AK9: variants seen among roughly 807,000 people sequenced by gnomAD.
AK9 encodes the protein adenylate kinase 9.
AK9 carries 191 observed loss-of-function variants against 239.6 expected under a neutral mutation model. The observed-to-expected ratio is 0.80, with a 90% CI of 0.71 to 0.90. The LOEUF (loss-of-function observed/expected upper bound fraction) is 0.90, where lower values mean the gene tolerates loss of function less well. Ranked by LOEUF, AK9 falls within the 40% of genes least tolerant of loss-of-function variation. AK9 has a pLI of 0.00. For synonymous variants in AK9, 689 were observed against 721.0 expected, an observed-to-expected ratio of 0.96 and a Z score of 0.71; for missense variants, 1,995 against 2,214.7, an observed-to-expected ratio of 0.90 and a Z score of 1.99.
At chr6:109,686,915 G>C (rs1375682585) in intron 1 of AK9, among the ~76,000 whole-genome samples, 1 of 152,144 alleles carries the variant, frequency 6.6e-6, no homozygotes, top group African/African-American at 2.4e-5. Context: ...GCTCAAACAG[G>C]TCTTCAGGGC....
chr6:109,500,222 AAAAC>A (rs556797665), intron 35 of AK9, among the ~76,000 whole-genome samples: 50 of 152,344 alleles, frequency 3.3e-4, no homozygotes, highest in Admixed American at 1.8e-3. Context: ...CAAGAGAAGG[AAAAC>A]AAACATTTAT....
intron 20 of AK9, among the ~76,000 whole-genome samples, chr6:109,576,323 T>A (rs1342496116): frequency 6.9e-6 from 1 of 144,616 alleles, no homozygotes; most frequent in Non-Finnish European, 1.6e-5. Flanking sequence ...TGTGTTTTCA[T>A]TTGTTTGTGT....
At position 109,550,134 on chromosome 6, in the gene AK9, A is replaced by G. The variant is rs556441141; in HGVS notation, c.2920T>C (p.Leu974=). The change falls in exon 25 of 41, where the codon TTG becomes CTG. Residue 974 remains leucine, a synonymous_variant. Coordinates refer to ENST00000424296, the MANE Select transcript of AK9 (RefSeq NM_001145128.3). ...FSSAEAKEKF[L]EHPEDYVAHE... is the part of the protein sequence containing the mutation. Reference sequence around the variant, plus strand: ...GCCACATAATCCTCAGGATGCTCCAAAAACTTTTCTTTAGCCTCAGCACTT... The same window carrying G: ...GCCACATAATCCTCAGGATGCTCCAGAAACTTTTCTTTAGCCTCAGCACTT... 6.2e-7 allele frequency: 1 copy of G among 1,614,010 alleles called. No individual in the cohort carries two copies. The highest frequency in any genetic ancestry group is 8.5e-7 in the Non-Finnish European group (1 of 1,180,018).
At chr6:109,497,043 C>A (rs1483786599) in intron 38 of AK9, among the ~76,000 whole-genome samples, 2 of 152,152 alleles carry the variant, frequency 1.3e-5, no homozygotes, top group African/African-American at 4.8e-5. Flanking sequence ...CTCTCCACAT[C>A]ACATCCAGCT....
intron 8 of AK9, among the ~76,000 whole-genome samples, chr6:109,654,713 A>C (rs1799447548): frequency 6.6e-6 from 1 of 152,232 alleles, no homozygotes; most frequent in African/African-American, 2.4e-5. Flanking sequence ...AACACTCTTA[A>C]GGAAATGGAT....
rs926434191 is a variant in AK9, at chr6:109,626,633, G to C, written c.1254+6290C>G. Among the ~76,000 whole-genome samples the C allele has an allele frequency of 3.0e-4, 46 of 152,312 alleles. 1 individual carries two copies. The highest frequency in any genetic ancestry group is 1.1e-3 in the African/African-American group (46 of 41,566). On this transcript the variant is annotated intron_variant, in intron 12 of 40. Coordinates refer to ENST00000424296, the MANE Select transcript of AK9 (RefSeq NM_001145128.3). ...CCTAGGGTATATGGTATAGCCTATT[G>C]CTCCTAGGCTACAAACCTGTACAGC...
intron 8 of AK9, among the ~76,000 whole-genome samples, chr6:109,651,765 A>G (rs1433812620): frequency 6.6e-6 from 1 of 152,210 alleles, no homozygotes; most frequent in Non-Finnish European, 1.5e-5. Context: ...AGAAATGCAA[A>G]CTACCATCAG....
intron 29 of AK9, among the ~76,000 whole-genome samples, chr6:109,527,153 G>T (rs750147858): frequency 6.6e-6 from 1 of 152,154 alleles, no homozygotes; most frequent in Non-Finnish European, 1.5e-5. Context: ...AGCAAGGCCA[G>T]GGGCTGCCTT....
intron 29 of AK9, among the ~76,000 whole-genome samples, chr6:109,518,440 C>T (rs941170265): frequency 5.3e-5 from 8 of 152,222 alleles, no homozygotes; most frequent in African/African-American, 1.9e-4. Flanking sequence ...TCCAGATGAA[C>T]TTGTTCTCAC....
At chr6:109,669,311 G>C (rs926710564) in intron 5 of AK9, among the ~76,000 whole-genome samples, 1 of 151,980 alleles carries the variant, frequency 6.6e-6, no homozygotes, top group Non-Finnish European at 1.5e-5. Flanking sequence ...GGTTTTCTAG[G>C]TATACAATCA....
chr6:109,684,873 CAAAAAAAAAAAAAAAAAA>C (rs60500211), intron 1 of AK9, among the ~76,000 whole-genome samples: 4 of 21,870 alleles, frequency 1.8e-4, no homozygotes, highest in East Asian at 1.6e-3. Context: ...GACTCCGTCT[CAAAAAAAAAAAAAAAAAA>C]AAAAAAAAAA....
intron 17 of AK9, among the ~76,000 whole-genome samples, 200 bp downstream of exon 17, chr6:109,610,165 T>C (rs936006999): frequency 2.6e-5 from 4 of 152,228 alleles, no homozygotes; most frequent in Admixed American, 1.3e-4. Context: ...TTGTTTGTAA[T>C]TGAAAATTTA....
At chr6:109,596,458 C>G (rs1039889952) in intron 17 of AK9, among the ~76,000 whole-genome samples, 1 of 152,212 alleles carries the variant, frequency 6.6e-6, no homozygotes, top group African/African-American at 2.4e-5. Context: ...GCAGCCTAAG[C>G]TCCTCATTTG....
intron 17 of AK9, among the ~76,000 whole-genome samples, chr6:109,600,751 T>C (rs1791828100): frequency 1.3e-5 from 2 of 152,218 alleles, no homozygotes; most frequent in Admixed American, 1.3e-4. Context: ...TGCCTCAATT[T>C]CAGAGCCTGT....
intron 24 of AK9, among the ~76,000 whole-genome samples, chr6:109,550,952 C>T (rs142651121): frequency 7.9e-5 from 12 of 151,956 alleles, no homozygotes; most frequent in African/African-American, 2.9e-4. Context: ...AAGTGAAAAT[C>T]TCTTTTCACC....
chr6:109,681,421 T>C (rs1304537232), intron 1 of AK9, among the ~76,000 whole-genome samples: 3 of 152,098 alleles, frequency 2.0e-5, no homozygotes, highest in Admixed American at 2.0e-4. Flanking sequence ...ATGCACCCAA[T>C]ATAGGAGCAC....
chr6:109,542,569 T>C (rs375032869), intron 26 of AK9, among the ~76,000 whole-genome samples: 14 of 152,232 alleles, frequency 9.2e-5, no homozygotes, highest in African/African-American at 3.4e-4. Context: ...TAACAAAATA[T>C]CACAGGTACC....
intron 21 of AK9, among the ~76,000 whole-genome samples, chr6:109,572,505 C>G (rs1004670264): frequency 1.3e-5 from 2 of 152,142 alleles, no homozygotes; most frequent in African/African-American, 4.8e-5. Flanking sequence ...GAGAGAAGTA[C>G]AGGAGGAAAG....
At chr6:109,657,131 C>G (rs545038430) in intron 7 of AK9, among the ~76,000 whole-genome samples, 1 of 152,030 alleles carries the variant, frequency 6.6e-6, no homozygotes, top group South Asian at 2.1e-4. Flanking sequence ...TAAGTAGGGA[C>G]GAGTAGGGGA....
Sources: allele counts gnomAD v4.1 joint callset (sites outside exome capture counted in the v4.1 genomes callset), GRCh38; gene constraint gnomAD v4.1.1; transcripts MANE v1.5; gene names NCBI Gene and HGNC (gene_info 2026-07-23, HGNC 2026-07-21).